PSMA5: variants seen among roughly 807,000 people sequenced by gnomAD.
PSMA5 encodes the protein proteasome subunit alpha type-5.
PSMA5 carries 3 observed loss-of-function variants against 34.5 expected under a neutral mutation model. The ratio of observed to expected loss-of-function variants is 0.09; its 90% CI spans 0.04 to 0.22. The LOEUF (loss-of-function observed/expected upper bound fraction) is 0.22. PSMA5 is among the 10% of genes least tolerant of loss of function. The pLI, the probability that PSMA5 is intolerant of heterozygous loss-of-function variation, is 1.00. For missense variants in PSMA5, 120 were observed against 286.1 expected (o/e 0.42, Z 4.19); for synonymous variants, 88 against 95.8 (o/e 0.92, Z 0.47).
Position 109,401,135 on chromosome 1 carries a change from T to C in PSMA5, c.*878A>G, listed in dbSNP as rs1342466390. 6.6e-6 allele frequency: 1 copy of C among 152,220 alleles called. No homozygotes were observed. Among genetic ancestry groups the C allele is most frequent in the Non-Finnish European group, 1.5e-5 (1 of 68,034 alleles). 9.4% of individuals were successfully genotyped at this position (152,220 alleles called of 1,614,324 possible). A position where few individuals can be genotyped will look rare whatever the true frequency, so the allele number is the denominator to read the frequency against. ...ACCAATCATATGATGGCAGCTCTAA[T>C]GGGGAAAGTTCATCATTCATTCCAA... On this transcript the variant is annotated 3_prime_UTR_variant, in exon 9 of 9. Transcript: ENST00000271308.
At position 109,413,142 on chromosome 1, in the gene PSMA5, T is replaced by C. The variant is rs776502891; in HGVS notation, c.224-7A>G. The stretch of plus-strand genomic sequence containing the variant: ...AGCCCACTCATGGCACAACCTGCAA[T>C]GTAAAAGCGACAGTGACCCAGTGGC... On this transcript the variant is annotated splice_polypyrimidine_tract_variant and splice_region_variant and intron_variant, in intron 3 of 8. Transcript: ENST00000271308. 6 of 1,613,504 alleles carry C rather than the reference T, an allele frequency of 3.7e-6. No individual in the cohort carries two copies. The highest frequency in any genetic ancestry group is 3.3e-5 in the South Asian group (3 of 91,010).
intron 8 of PSMA5, among the ~76,000 whole-genome samples, chr1:109,408,892 T>C (rs1014415972): frequency 2.6e-5 from 4 of 152,054 alleles, no homozygotes; most frequent in African/African-American, 7.2e-5. Context: ...GGTTTCACCA[T>C]GTTGGGCAGG....
intron 1 of PSMA5, 164 bp downstream of exon 1, chr1:109,426,138 C>G: frequency 1.1e-6 from 1 of 890,890 alleles, no homozygotes; most frequent in South Asian, 1.5e-5. Context: ...TGTGGTCTAG[C>G]TTGGGGAAGG....
Position 109,426,406 on chromosome 1 carries a change from G to A in PSMA5, c.-76C>T, listed in dbSNP as rs545312590. On this transcript the variant is annotated 5_prime_UTR_variant, in exon 1 of 9. Coordinates refer to ENST00000271308, the MANE Select transcript of PSMA5 (RefSeq NM_002790.4). ...CGACTCCACCGGCACCCAACTCACC[G>A]GCAGCCAACTCACCCACACGGCCGC... The A allele has an allele frequency of 3.1e-5, 49 of 1,573,680 alleles. No homozygotes were observed. The highest frequency in any genetic ancestry group is 1.7e-4 in the Middle Eastern group (1 of 6,026).
intron 8 of PSMA5, among the ~76,000 whole-genome samples, chr1:109,409,205 G>A (rs1653902336): frequency 6.6e-6 from 1 of 152,104 alleles, no homozygotes; most frequent in Non-Finnish European, 1.5e-5. Flanking sequence ...CGCCCAGGTT[G>A]GAGCGCAGTA....
At chr1:109,424,504 G>T (rs940717144) in intron 1 of PSMA5, among the ~76,000 whole-genome samples, 26 of 152,098 alleles carry the variant, frequency 1.7e-4, no homozygotes, top group African/African-American at 6.3e-4. Flanking sequence ...CAGGCCGAGC[G>T]AGGTGGCTCT....
intron 1 of PSMA5, among the ~76,000 whole-genome samples, chr1:109,423,207 G>T (rs1211531194): frequency 6.6e-6 from 1 of 152,250 alleles, no homozygotes; most frequent in African/African-American, 2.4e-5. Context: ...GGGAGGATGA[G>T]GCAGGCGGAT....
chr1:109,426,120 GC>G, intron 1 of PSMA5, 181 bp downstream of exon 1: 1 of 737,046 alleles, frequency 1.4e-6, no homozygotes, highest in South Asian at 1.7e-5. Flanking sequence ...TAGGACAAGT[GC>G]CGCCGATGTG....
At position 109,411,023 on chromosome 1, in the gene PSMA5, T is replaced by G; in HGVS notation, c.549A>C (p.Glu183Asp). Residue 183 changes from glutamate to aspartate, a missense_variant, in exon 7 of 9, where the codon GAA becomes GAC. Transcript: ENST00000271308. ...ASEGAQSSLQ[E>D]VYHKSMTLKE... ...AATACTTAATTACCTTGTGGTAAAC[T>G]TCTTGCAAGGAGCTCTGGGCACCCT... 6.2e-7 allele frequency: 1 copy of G among 1,611,814 alleles called. No individual in the cohort carries two copies. Among genetic ancestry groups the G allele is most frequent in the Non-Finnish European group, 8.5e-7 (1 of 1,178,306 alleles).
intron 1 of PSMA5, among the ~76,000 whole-genome samples, chr1:109,423,845 C>T (rs1255001622): frequency 6.6e-6 from 1 of 152,186 alleles, no homozygotes; most frequent in Non-Finnish European, 1.5e-5. Context: ...ACTCACTTTC[C>T]CCTAATTCAG....
chr1:109,405,294 C>G (rs1177957931), intron 8 of PSMA5, among the ~76,000 whole-genome samples: 4 of 152,138 alleles, frequency 2.6e-5, no homozygotes, highest in Non-Finnish European at 5.9e-5. Context: ...GAATATCTAT[C>G]TCATAGAAGT....
At chr1:109,408,305 T>G (rs981075285) in intron 8 of PSMA5, among the ~76,000 whole-genome samples, 5 of 152,208 alleles carry the variant, frequency 3.3e-5, no homozygotes, top group Non-Finnish European at 5.9e-5. Flanking sequence ...TTTTTACATC[T>G]TGAACCCTTT....
At chr1:109,411,316 T>A (rs938544585) in intron 6 of PSMA5, among the ~76,000 whole-genome samples, 18 of 152,200 alleles carry the variant, frequency 1.2e-4, no homozygotes. Flanking sequence ...AGTACCTTCC[T>A]TAGGGATTTA....
chr1:109,415,419 C>T (rs1258154556), intron 2 of PSMA5, 56 bp from the exon 3 acceptor site: 4 of 1,536,766 alleles, frequency 2.6e-6, no homozygotes, highest in African/African-American at 1.4e-5. Flanking sequence ...GTCTTACATA[C>T]TCACCAGATA....
At position 109,405,456 on chromosome 1, in the gene PSMA5, T is replaced by TG. The variant is rs568537638; in HGVS notation, c.649-3367_649-3366insC. 1.5e-3 allele frequency among the ~76,000 whole-genome samples: 230 copies of TG among 148,972 alleles called. 1 individual carries two copies. Among genetic ancestry groups the TG allele is most frequent in the Non-Finnish European group, 1.6e-3 (107 of 67,058 alleles). ...ATAGAAGTCAGAAAAGGTTTTTTTT[T>TG]TTTTTTTTTTTGAGACAGAGTCTCG... On this transcript the variant is annotated intron_variant, in intron 8 of 8. Coordinates refer to ENST00000271308, the MANE Select transcript of PSMA5 (RefSeq NM_002790.4).
chr1:109,404,277 A>G (rs1377480351), intron 8 of PSMA5, among the ~76,000 whole-genome samples: 1 of 152,222 alleles, frequency 6.6e-6, no homozygotes, highest in Non-Finnish European at 1.5e-5. Context: ...GCACCACTGC[A>G]CTTAGCCCAG....
intron 2 of PSMA5, among the ~76,000 whole-genome samples, chr1:109,416,059 C>A (rs965959323): frequency 6.6e-6 from 1 of 152,182 alleles, no homozygotes; most frequent in Admixed American, 6.5e-5. Context: ...ATGAGGATGA[C>A]AATAATAATA....
intron 6 of PSMA5, 51 bp from the exon 7 acceptor site, chr1:109,411,164 T>C (rs781292074): frequency 7.5e-7 from 1 of 1,332,244 alleles, no homozygotes; most frequent in Non-Finnish European, 1.1e-6. Flanking sequence ...GGTGGCACTT[T>C]ATGTAACAAA....
chr1:109,419,811 A>ACAAAAC (rs71069683), intron 2 of PSMA5, among the ~76,000 whole-genome samples: 1 of 142,158 alleles, frequency 7.0e-6, no homozygotes, highest in South Asian at 2.2e-4. Context: ...AAAAAAAAAA[A>ACAAAAC]AAAAAAAAAA....
Sources: gnomAD v4.1 joint callset for allele counts (sites outside exome capture counted in the v4.1 genomes callset) on GRCh38, gnomAD v4.1.1 for gene constraint, MANE v1.5 for transcripts, NCBI Gene and HGNC (gene_info 2026-07-23, HGNC 2026-07-21) for gene names.